ZFHX3: variants seen among roughly 807,000 people sequenced by gnomAD.
ZFHX3 encodes zinc finger homeobox protein 3.
Under a neutral mutation model 279.1 loss-of-function variants are expected in ZFHX3, and 42 were observed. The ratio of observed to expected loss-of-function variants is 0.15; its 90% CI spans 0.12 to 0.19. The LOEUF is 0.19. ZFHX3 is among the 10% of genes least tolerant of loss of function. ZFHX3 has a pLI of 1.00. For missense variants in ZFHX3, 4,981 were observed against 4,754.0 expected (o/e 1.05, Z -1.40); for synonymous variants, 2,293 against 1,957.8 (o/e 1.17, Z -4.52).
intron 2 of ZFHX3, among the ~76,000 whole-genome samples, chr16:73,505,844 T>A (rs1202710109): frequency 1.3e-5 from 2 of 152,236 alleles, no homozygotes; most frequent in Admixed American, 1.3e-4. Context: ...CAGAGACACA[T>A]GAATGTGAAT....
intron 3 of ZFHX3, among the ~76,000 whole-genome samples, chr16:72,904,742 T>C (rs1050529483): frequency 1.3e-5 from 2 of 151,752 alleles, no homozygotes; most frequent in African/African-American, 2.4e-5. Context: ...CTTTATGCAT[T>C]GCACCTGAGC....
chr16:73,625,800 C>T (rs927847639), intron 2 of ZFHX3, among the ~76,000 whole-genome samples: 1 of 152,186 alleles, frequency 6.6e-6, no homozygotes, highest in Non-Finnish European at 1.5e-5. Flanking sequence ...CCAGAACCAC[C>T]GAGCAGCGAA....
intron 3 of ZFHX3, among the ~76,000 whole-genome samples, chr16:72,932,653 CAA>C (rs3079316): frequency 0.044 from 4,569 of 103,152 alleles, 211 homozygotes; most frequent in African/African-American, 0.12. Context: ...TGCTCCGCAC[CAA>C]AAAAAAAAAA....
intron 1 of ZFHX3, among the ~76,000 whole-genome samples, chr16:73,764,009 C>A (rs1449607525): frequency 6.6e-6 from 1 of 152,176 alleles, no homozygotes; most frequent in African/African-American, 2.4e-5. Context: ...TGATCTCAAC[C>A]TTGTGAGACT....
chr16:73,260,552 C>A (rs918549740), intron 4 of ZFHX3, among the ~76,000 whole-genome samples: 2 of 152,012 alleles, frequency 1.3e-5, no homozygotes, highest in Non-Finnish European at 2.9e-5. Flanking sequence ...GTAAGATGTC[C>A]CAGGTTCATC....
intron 2 of ZFHX3, chr16:73,504,245 A>G (rs1168527500): frequency 6.6e-6 from 1 of 152,202 alleles, no homozygotes; most frequent in Non-Finnish European, 1.5e-5. Context: ...AAATAGCTAT[A>G]GAATAAACAG....
At chr16:73,762,339 G>A (rs186081892) in intron 1 of ZFHX3, among the ~76,000 whole-genome samples, 35 of 152,262 alleles carry the variant, frequency 2.3e-4, no homozygotes, top group African/African-American at 8.2e-4. Context: ...AACAACAGAT[G>A]CTGAAGAGGC....
intron 2 of ZFHX3, among the ~76,000 whole-genome samples, chr16:73,545,020 A>G (rs2143758349): frequency 6.6e-6 from 1 of 152,194 alleles, no homozygotes; most frequent in South Asian, 2.1e-4. Flanking sequence ...CCCCAGCTCC[A>G]CTGGATCTTA....
intron 1 of ZFHX3, among the ~76,000 whole-genome samples, chr16:73,755,421 A>G (rs1023943758): frequency 6.6e-6 from 1 of 152,214 alleles, no homozygotes; most frequent in Admixed American, 6.5e-5. Flanking sequence ...AGTTTTAATT[A>G]TATCAATAAG....
intron 4 of ZFHX3, among the ~76,000 whole-genome samples, chr16:73,262,999 G>C (rs1207747441): frequency 1.3e-5 from 2 of 152,124 alleles, no homozygotes; most frequent in Non-Finnish European, 2.9e-5. Context: ...AACCCACCGA[G>C]TTGGTTCAGA....
At chr16:73,890,258 C>CAAAA (rs1285852946) in intron 1 of ZFHX3, among the ~76,000 whole-genome samples, 3 of 136,818 alleles carry the variant, frequency 2.2e-5, no homozygotes, top group Non-Finnish European at 4.7e-5. Flanking sequence ...AAAAAAACAA[C>CAAAA]AAAAAAAAAC....
chr16:73,654,066 C>T (rs1376658120), intron 2 of ZFHX3, among the ~76,000 whole-genome samples: 1 of 151,830 alleles, frequency 6.6e-6, no homozygotes, highest in African/African-American at 2.4e-5. Flanking sequence ...CGCCTGTAGT[C>T]CCAGCTACTC....
At chr16:73,698,753 G>GAAGGAGACT (rs1395301216) in intron 1 of ZFHX3, among the ~76,000 whole-genome samples, 3 of 152,174 alleles carry the variant, frequency 2.0e-5, no homozygotes, top group Non-Finnish European at 4.4e-5. Context: ...GTCACAGATA[G>GAAGGAGACT]AAGGAGACTA....
At chr16:72,880,732 C>CA (rs1479073548) in intron 4 of ZFHX3, among the ~76,000 whole-genome samples, 4 of 152,098 alleles carry the variant, frequency 2.6e-5, no homozygotes, top group African/African-American at 9.7e-5. Flanking sequence ...GAGCAGAGGT[C>CA]AAAGATCTTT....
intron 2 of ZFHX3, among the ~76,000 whole-genome samples, chr16:73,674,632 C>A (rs890648676): frequency 6.6e-6 from 1 of 152,154 alleles, no homozygotes; most frequent in African/African-American, 2.4e-5. Context: ...CCAATTAAGA[C>A]CTAGAGTCTC....
chr16:73,848,549 T>C (rs1961509319), intron 1 of ZFHX3, among the ~76,000 whole-genome samples: 1 of 152,244 alleles, frequency 6.6e-6, no homozygotes, highest in African/African-American at 2.4e-5. Context: ...TGGATTTCTT[T>C]ACTGCAGAAT....
chr16:73,531,332 C>T (rs34134872), intron 2 of ZFHX3, among the ~76,000 whole-genome samples: 4 of 152,114 alleles, frequency 2.6e-5, no homozygotes, highest in African/African-American at 4.8e-5. Context: ...ATAATAACTT[C>T]CCCTTCAAAA....
chr16:73,394,977 C>T (rs1212962950), intron 3 of ZFHX3, among the ~76,000 whole-genome samples: 1 of 152,188 alleles, frequency 6.6e-6, no homozygotes, highest in Non-Finnish European at 1.5e-5. Context: ...AAAGACCATG[C>T]TCTTTATCAC....
chr16:73,676,861 G>A lies in ZFHX3; in HGVS notation c.-1547+3319C>T, dbSNP rs1465695323. On this transcript the variant is annotated intron_variant, in intron 2 of 17. Coordinates refer to the ZFHX3 transcript ENST00000641206. Reference sequence around the variant, plus strand: ...AATGCAAGGCAAAACACAAGAAGTGGGCAAAGACAGACTTTATATTAAGGG... The same window carrying A: ...AATGCAAGGCAAAACACAAGAAGTGAGCAAAGACAGACTTTATATTAAGGG... Among the ~76,000 whole-genome samples, 4 of 151,780 alleles carry A rather than the reference G, an allele frequency of 2.6e-5. 1 individual carries two copies. The highest frequency in any genetic ancestry group is 5.9e-5 in the Non-Finnish European group (4 of 67,812).
Sources: allele counts gnomAD v4.1 joint callset (sites outside exome capture counted in the v4.1 genomes callset), GRCh38; gene constraint gnomAD v4.1.1; transcripts MANE v1.5; gene names NCBI Gene and HGNC (gene_info 2026-07-23, HGNC 2026-07-21).